TRPS1: variants seen among roughly 807,000 people sequenced by gnomAD.
TRPS1 encodes transcriptional repressor GATA binding 1.
A neutral mutation model predicts 101.2 loss-of-function variants in TRPS1; 6 were observed. The ratio of observed to expected loss-of-function variants is 0.06; its 90% CI spans 0.03 to 0.12. The LOEUF is 0.12. Among genes scored for constraint, TRPS1 ranks in the 10% least tolerant of loss-of-function variants. The probability of loss-of-function intolerance (pLI) is 1.00; values close to 1 mark genes in which losing one functional copy is unlikely to be tolerated. For synonymous variants in TRPS1, 578 were observed against 589.8 expected (o/e 0.98, Z 0.29); for missense variants, 1,363 against 1,567.0 (o/e 0.87, Z 2.20).
chr8:115,482,924 G>A (rs1814789738), intron 5 of TRPS1, among the ~76,000 whole-genome samples: 1 of 152,150 alleles, frequency 6.6e-6, no homozygotes, highest in African/African-American at 2.4e-5. Flanking sequence ...AATATAACTG[G>A]TTGTATAACT....
chr8:115,593,481 T>C lies in TRPS1; in HGVS notation c.2097-5877A>G, dbSNP rs576459449. 1.2e-3 allele frequency among the ~76,000 whole-genome samples: 187 copies of C among 152,270 alleles called. 2 individuals are homozygous for C. Among genetic ancestry groups the C allele is most frequent in the African/African-American group, 4.4e-3 (183 of 41,560 alleles). ...CGTTATTTGATAGTTAAAGCAATGG[T>C]TGTTCAGGAATTAGTACCTAAAAGA... is the stretch of plus-strand genomic sequence containing the variant. On this transcript the variant is annotated intron_variant, in intron 4 of 6. Transcript: ENST00000395715.
intron 5 of TRPS1, among the ~76,000 whole-genome samples, chr8:115,528,555 A>T (rs1242183219): frequency 6.6e-6 from 1 of 152,050 alleles, no homozygotes; most frequent in Non-Finnish European, 1.5e-5. Context: ...CTTGTGTTAC[A>T]TTCATATGAC....
intron 5 of TRPS1, among the ~76,000 whole-genome samples, chr8:115,586,516 T>C (rs1356061613): frequency 1.3e-5 from 2 of 152,158 alleles, no homozygotes; most frequent in African/African-American, 4.8e-5. Context: ...CATAATTATA[T>C]CGTGGGTTTT....
intron 4 of TRPS1, among the ~76,000 whole-genome samples, chr8:115,588,688 A>C (rs947011805): frequency 6.6e-6 from 1 of 152,242 alleles, no homozygotes; most frequent in African/African-American, 2.4e-5. Context: ...GTCTAAATAA[A>C]TATCAGGGAA....
At chr8:115,555,280 G>T (rs1816791637) in intron 5 of TRPS1, among the ~76,000 whole-genome samples, 1 of 152,044 alleles carries the variant, frequency 6.6e-6, no homozygotes, top group Non-Finnish European at 1.5e-5. Flanking sequence ...TTTCATATCA[G>T]GTAGAATTTC....
At chr8:115,553,228 G>C (rs571072799) in intron 5 of TRPS1, among the ~76,000 whole-genome samples, 5 of 151,544 alleles carry the variant, frequency 3.3e-5, no homozygotes, top group Admixed American at 3.3e-4. Flanking sequence ...ATTTTTTGTT[G>C]CTTTTTACCA....
intron 1 of TRPS1, among the ~76,000 whole-genome samples, chr8:115,641,334 A>C (rs1218255314): frequency 6.6e-6 from 1 of 152,224 alleles, no homozygotes; most frequent in Non-Finnish European, 1.5e-5. Context: ...CATTGCTTTC[A>C]AATGTGACAT....
At chr8:115,449,990 G>C (rs372873565) in intron 5 of TRPS1, among the ~76,000 whole-genome samples, 983 of 68,100 alleles carry the variant, frequency 0.014, 16 homozygotes, top group African/African-American at 0.053. Context: ...CACACACACA[G>C]ACATACACAC....
In TRPS1 at chr8:115,476,001, C is replaced by T. The variant is rs534821086; in HGVS notation, c.2701-57549G>A. On this transcript the variant is annotated intron_variant, in intron 5 of 6. Transcript: ENST00000395715. ...CAAAAAGAGGTGTTCAGAAAATATA[C>T]TTTCTTTTTTTTTTTTTTTTTTTTT... Among the ~76,000 whole-genome samples the T allele has an allele frequency of 1.8e-4, 10 of 55,904 alleles. 1 individual carries two copies. In the South Asian group the frequency reaches 4.0e-3, roughly 22 times the overall value. The allele number at this position is 55,904 out of a possible 152,430, so 36.7% of individuals were successfully genotyped here.
At chr8:115,601,004 C>A (rs1285256572) in intron 4 of TRPS1, among the ~76,000 whole-genome samples, 1 of 152,082 alleles carries the variant, frequency 6.6e-6, no homozygotes, top group Non-Finnish European at 1.5e-5. Flanking sequence ...TGCAGTTCCA[C>A]CAAGTTTAAC....
intron 5 of TRPS1, among the ~76,000 whole-genome samples, chr8:115,513,897 T>C (rs1815645590): frequency 6.6e-6 from 1 of 151,548 alleles, no homozygotes; most frequent in Admixed American, 6.6e-5. Context: ...GTGAAAGAAA[T>C]AAAAGTGATA....
intron 1 of TRPS1, among the ~76,000 whole-genome samples, chr8:115,624,217 C>G (rs1331556758): frequency 6.6e-6 from 1 of 151,962 alleles, no homozygotes; most frequent in East Asian, 1.9e-4. Flanking sequence ...ATAGCAATAT[C>G]CTTCATGCAG....
intron 5 of TRPS1, among the ~76,000 whole-genome samples, chr8:115,466,600 G>T (rs1347041800): frequency 4.6e-5 from 7 of 152,084 alleles, no homozygotes; most frequent in Admixed American, 3.9e-4. Flanking sequence ...ACACAAACTG[G>T]CTGTGGATCT....
chr8:115,667,068 T>C (rs1811939030), intron 1 of TRPS1, among the ~76,000 whole-genome samples: 1 of 152,216 alleles, frequency 6.6e-6, no homozygotes, highest in Non-Finnish European at 1.5e-5. Context: ...TTAAGATCAA[T>C]GGCTTACTCA....
At chr8:115,642,881 G>A (rs1038057691) in intron 1 of TRPS1, among the ~76,000 whole-genome samples, 3 of 144,836 alleles carry the variant, frequency 2.1e-5, no homozygotes, top group Non-Finnish European at 4.5e-5. Flanking sequence ...TATATTTAAC[G>A]TTATATATAT....
chr8:115,464,101 A>C (rs1356915106), intron 5 of TRPS1, among the ~76,000 whole-genome samples: 1 of 151,994 alleles, frequency 6.6e-6, no homozygotes, highest in African/African-American at 2.4e-5. Context: ...AAATCACCAA[A>C]TAGCTGTCTT....
chr8:115,595,865 ATTTGTTTG>A (rs147262333), intron 4 of TRPS1, among the ~76,000 whole-genome samples: 36 of 151,612 alleles, frequency 2.4e-4, no homozygotes, highest in African/African-American at 7.5e-4. Flanking sequence ...GTGAGGTTTT[ATTTGTTTG>A]TTTGTTTGTT....
chr8:115,638,821 T>C (rs1441057663), intron 1 of TRPS1, among the ~76,000 whole-genome samples: 4 of 152,150 alleles, frequency 2.6e-5, no homozygotes, highest in African/African-American at 4.8e-5. Flanking sequence ...AAGTTTTTTT[T>C]AAAGGGAATA....
In TRPS1 at chr8:115,620,041, G is replaced by A. The variant is rs548410872; in HGVS notation, c.57C>T (p.Asn19=). 2.5e-6 allele frequency: 4 copies of A among 1,614,120 alleles called. No individual in the cohort carries two copies. The African/African-American group carries it at 4.0e-5, about 16-fold the overall frequency. The part of the protein sequence containing the change: ...YDFTNMVRKK[N]PPLRNVASEG... ...CACTTGCAACGTTTCTCAGAGGGGG[G>A]TTCTTTTTCCGGACCATATCTGCAA... Residue 19 remains asparagine (N), a synonymous_variant, in exon 3 of 7, where the codon AAC becomes AAT. Coordinates refer to ENST00000395715, the MANE Select transcript of TRPS1 (RefSeq NM_014112.5).
Sources: allele counts gnomAD v4.1 joint callset (sites outside exome capture counted in the v4.1 genomes callset), GRCh38; gene constraint gnomAD v4.1.1; transcripts MANE v1.5; gene names NCBI Gene and HGNC (gene_info 2026-07-23, HGNC 2026-07-21).